Variants in SLC66A2 observed in about 807,000 individuals in gnomAD.
SLC66A2 encodes the protein solute carrier family 66 member 2.
In SLC66A2, 23 loss-of-function variants were observed where a neutral mutation model predicts 25.5. The ratio of observed to expected loss-of-function variants is 0.90; its 90% CI spans 0.65 to 1.28. The LOEUF is 1.28. Ranked by LOEUF, SLC66A2 falls within the 50% of genes most tolerant of loss-of-function variation. SLC66A2 has a pLI of 0.00. For synonymous variants in SLC66A2, 193 were observed against 166.5 expected, an observed-to-expected ratio of 1.16 and a Z score of -1.23; for missense variants, 396 against 373.1, an observed-to-expected ratio of 1.06 and a Z score of -0.51.
rs9989600 is a variant in SLC66A2, at chr18:79,927,553, T to G, written c.391+6416A>C. ...CTGGCCTCGCTGACCCCTCTAATCC[T>G]GCCACCTGTGCAGCAGGCGGCAACA... On this transcript the variant is annotated intron_variant, in intron 4 of 5. Coordinates refer to ENST00000397778, the MANE Select transcript of SLC66A2 (RefSeq NM_025078.5). This position sits in a 1 kb window ranked among gnomAD's most constrained non-coding sequence, Gnocchi z 6.2. Among the ~76,000 whole-genome samples the G allele has an allele frequency of 6.6e-3, 1,009 of 152,288 alleles. 9 individuals carry two copies. The highest frequency in any genetic ancestry group is 0.023 in the African/African-American group (946 of 41,566).
intron 5 of SLC66A2, among the ~76,000 whole-genome samples, chr18:79,914,938 C>G (rs922937414): frequency 6.6e-6 from 1 of 152,264 alleles, no homozygotes; most frequent in African/African-American, 2.4e-5. Context: ...AGAATTCACA[C>G]TCGGGTGATA....
intron 4 of SLC66A2, among the ~76,000 whole-genome samples, chr18:79,926,041 C>T (rs984596077): frequency 6.6e-6 from 1 of 152,206 alleles, no homozygotes; most frequent in Non-Finnish European, 1.5e-5. Flanking sequence ...GACCTCTGGT[C>T]GTCCTCACTG....
At chr18:79,908,180 T>C (rs967153295) in intron 5 of SLC66A2, among the ~76,000 whole-genome samples, 2 of 152,220 alleles carry the variant, frequency 1.3e-5, no homozygotes, top group African/African-American at 4.8e-5. Context: ...TTTTCCTTCA[T>C]TCCTGGAGTC....
In SLC66A2 at chr18:79,908,243, A is replaced by G. The variant is rs539604150; in HGVS notation, c.609-4060T>C. 3.9e-5 allele frequency among the ~76,000 whole-genome samples: 6 copies of G among 152,286 alleles called. No individual in the cohort carries two copies. In the East Asian group the frequency reaches 7.7e-4, roughly 20 times the overall value. The stretch of plus-strand genomic sequence containing the variant: ...CTTTTTTTAGTATTTCCTGTTGAGT[A>G]GCACTGCTGCCCATGACTTCGCTTT... On this transcript the variant is annotated intron_variant, in intron 5 of 5. Coordinates refer to ENST00000397778, the MANE Select transcript of SLC66A2 (RefSeq NM_025078.5).
rs777963841 is a variant in SLC66A2, at chr18:79,950,712, C to A, written c.203+12G>T. ...TCCGGGTGCAGCCCAGGAAAGCAAGCCCCCAACTTACCAGAAGAGTATCCG... is the reference window on the plus strand; with the variant it reads ...TCCGGGTGCAGCCCAGGAAAGCAAGACCCCAACTTACCAGAAGAGTATCCG... On this transcript the variant is annotated intron_variant, in intron 2 of 5. Coordinates refer to ENST00000397778, the MANE Select transcript of SLC66A2 (RefSeq NM_025078.5). 1.9e-6 allele frequency: 3 copies of A among 1,612,688 alleles called. No homozygotes were observed. The highest frequency in any genetic ancestry group is 2.2e-5 in the East Asian group (1 of 44,872).
rs1269385324 is a variant in SLC66A2, at chr18:79,937,348, C to T, written c.338-3326G>A. 6.6e-6 allele frequency among the ~76,000 whole-genome samples: 1 copy of T among 152,168 alleles called. No individual in the cohort carries two copies. Among genetic ancestry groups the T allele is most frequent in the Non-Finnish European group, 1.5e-5 (1 of 68,032 alleles). Reference sequence around the variant, plus strand: ...GGGCCCAGCAGCATCTGACGCGGCTCCCCGGCCAGAGGGAAGAACTGGAGC... The same window carrying T: ...GGGCCCAGCAGCATCTGACGCGGCTTCCCGGCCAGAGGGAAGAACTGGAGC... On this transcript the variant is annotated intron_variant, in intron 3 of 5. Coordinates refer to ENST00000397778, the MANE Select transcript of SLC66A2 (RefSeq NM_025078.5). The surrounding 1 kb of genome is among the most constrained non-coding windows in gnomAD (Gnocchi z 5.4).
intron 5 of SLC66A2, among the ~76,000 whole-genome samples, chr18:79,910,238 T>C (rs1350119659): frequency 1.1e-5 from 1 of 93,202 alleles, no homozygotes; most frequent in African/African-American, 4.4e-5. Context: ...ATCCTCACCA[T>C]AGTCACCAAC....
intron 4 of SLC66A2, among the ~76,000 whole-genome samples, chr18:79,932,170 G>A (rs1040905740): frequency 3.3e-5 from 5 of 152,138 alleles, no homozygotes; most frequent in Non-Finnish European, 7.4e-5. Flanking sequence ...AAATCTTGGA[G>A]TAAATTTTAA....
At chr18:79,945,062 C>T (rs1374483162) in intron 2 of SLC66A2, 1 of 152,356 alleles carries the variant, frequency 6.6e-6, no homozygotes, top group African/African-American at 2.4e-5. Flanking sequence ...AGAGCAGGAA[C>T]AAGGGGAACC....
chr18:79,949,600 G>C (rs2051048591), intron 2 of SLC66A2: 1 of 152,234 alleles, frequency 6.6e-6, no homozygotes. Context: ...GGAGTCAGAG[G>C]CTGCAGTGAG....
chr18:79,943,757 G>GC, intron 2 of SLC66A2: 1 of 334,290 alleles, frequency 3.0e-6, no homozygotes, highest in Admixed American at 4.9e-5. Context: ...CACCCATGCC[G>GC]CCTCTCCTGG....
chr18:79,906,377 TTAACTC>T (rs1487669247), intron 5 of SLC66A2, among the ~76,000 whole-genome samples: 1 of 152,248 alleles, frequency 6.6e-6, no homozygotes, highest in Non-Finnish European at 1.5e-5. Flanking sequence ...TACTACACAT[TTAACTC>T]TAAGCATTGC....
At chr18:79,914,281 G>A (rs569814745) in intron 5 of SLC66A2, among the ~76,000 whole-genome samples, 1 of 152,328 alleles carries the variant, frequency 6.6e-6, no homozygotes, top group African/African-American at 2.4e-5. Context: ...ACACGACCCT[G>A]GAGATTATAC....
intron 3 of SLC66A2, among the ~76,000 whole-genome samples, chr18:79,935,680 G>T (rs768067259): frequency 6.6e-6 from 1 of 152,166 alleles, no homozygotes. Flanking sequence ...GGACCTGGCC[G>T]CCATGTTGTG....
rs984974700 is a variant in SLC66A2 at position 79,918,547 on chromosome 18, G to A, written c.608+637C>T. On this transcript the variant is annotated intron_variant, in intron 5 of 5. Transcript: ENST00000397778. This position sits in a 1 kb window ranked among gnomAD's most constrained non-coding sequence, Gnocchi z 4.0. ...TGAGGGACTAGAGTTTTCTGCCCCC[G>A]CCACAGCGAGCAGATCTGTTTTTAT... Among the ~76,000 whole-genome samples the A allele has an allele frequency of 8.5e-5, 13 of 152,160 alleles. No homozygotes were observed. Among genetic ancestry groups the A allele is most frequent in the South Asian group, 2.1e-4 (1 of 4,830 alleles).
intron 5 of SLC66A2, among the ~76,000 whole-genome samples, chr18:79,911,770 G>A (rs988971954): frequency 2.0e-5 from 3 of 150,726 alleles, no homozygotes; most frequent in African/African-American, 7.3e-5. Flanking sequence ...GCAGGGAAGG[G>A]ACAGGAGCAG....
intron 4 of SLC66A2, among the ~76,000 whole-genome samples, chr18:79,922,087 G>A (rs1181544477): frequency 6.6e-6 from 1 of 151,164 alleles, no homozygotes; most frequent in African/African-American, 2.5e-5. Context: ...TCAGGGAGGA[G>A]CCATGTGTTC....
chr18:79,926,683 G>A (rs1175691512), intron 4 of SLC66A2, among the ~76,000 whole-genome samples: 2 of 148,842 alleles, frequency 1.3e-5, no homozygotes, highest in African/African-American at 4.9e-5. Flanking sequence ...CATGATTCTT[G>A]TATGAATTCT....
At chr18:79,943,806 G>A (rs1167312360) in intron 2 of SLC66A2, 2 of 240,206 alleles carry the variant, frequency 8.3e-6, no homozygotes, top group African/African-American at 4.9e-5. Flanking sequence ...TGTCGGGAGG[G>A]AGGCCCGCCC....
Sources: gnomAD v4.1 joint callset for allele counts (sites outside exome capture counted in the v4.1 genomes callset) on GRCh38, gnomAD v4.1.1 for gene constraint, Gnocchi (gnomAD v3.1) non-coding constraint, MANE v1.5 for transcripts, NCBI Gene and HGNC (gene_info 2026-07-23, HGNC 2026-07-21) for gene names.